Variants in CCSER1 observed in about 807,000 individuals in gnomAD.
The protein encoded by CCSER1 is serine-rich coiled-coil domain-containing protein 1.
CCSER1 carries 41 observed loss-of-function variants against 82.0 expected under a neutral mutation model. The observed-to-expected ratio is 0.50, with a 90% CI of 0.39 to 0.65. CCSER1 has a LOEUF of 0.65. Among genes scored for constraint, CCSER1 ranks in the 30% least tolerant of loss-of-function variants. The probability of loss-of-function intolerance (pLI) is 0.00; values close to 1 mark genes in which losing one functional copy is unlikely to be tolerated. For missense variants in CCSER1, 1,119 were observed against 1,064.2 expected, an observed-to-expected ratio of 1.05 and a Z score of -0.72; for synonymous variants, 414 against 383.9, an observed-to-expected ratio of 1.08 and a Z score of -0.92.
chr4:90,788,742 C>T (rs1393827664), intron 7 of CCSER1, among the ~76,000 whole-genome samples: 1 of 152,144 alleles, frequency 6.6e-6, no homozygotes, highest in Non-Finnish European at 1.5e-5. Context: ...CGGGGAGAAA[C>T]AATTCAATCA....
chr4:91,549,904 A>T (rs1762080201), intron 10 of CCSER1, among the ~76,000 whole-genome samples: 1 of 150,742 alleles, frequency 6.6e-6, no homozygotes, highest in Non-Finnish European at 1.5e-5. Context: ...GCCGCTTCTC[A>T]GTTTTGTTTT....
chr4:90,404,657 C>A (rs1315578873), intron 4 of CCSER1, among the ~76,000 whole-genome samples: 1 of 152,192 alleles, frequency 6.6e-6, no homozygotes, highest in African/African-American at 2.4e-5. Context: ...GTATCCAGGT[C>A]TGAAAGACCT....
intron 4 of CCSER1, among the ~76,000 whole-genome samples, chr4:90,408,896 A>T (rs1253632041): frequency 6.6e-6 from 1 of 152,222 alleles, no homozygotes; most frequent in Non-Finnish European, 1.5e-5. Context: ...AAATTAGATG[A>T]ATGGATAACT....
chr4:91,119,173 A>G (rs1402972285), intron 10 of CCSER1, among the ~76,000 whole-genome samples: 2 of 152,150 alleles, frequency 1.3e-5, no homozygotes, highest in Admixed American at 6.5e-5. Context: ...CATGGCAGAG[A>G]TTTCAGGAAA....
intron 10 of CCSER1, among the ~76,000 whole-genome samples, chr4:91,184,073 A>G (rs1734298895): frequency 6.6e-6 from 1 of 152,244 alleles, no homozygotes; most frequent in Non-Finnish European, 1.5e-5. Flanking sequence ...GTCAGGAGCT[A>G]TAATTAAACC....
At chr4:90,348,239 AACCTGAACTTGTAC>A (rs1395471889) in intron 3 of CCSER1, among the ~76,000 whole-genome samples, 2 of 152,198 alleles carry the variant, frequency 1.3e-5, no homozygotes, top group Non-Finnish European at 2.9e-5. Context: ...CTATGTAACC[AACCTGAACTTGTAC>A]ACCTGAACTT....
chr4:90,176,111 A>G (rs561389070), intron 1 of CCSER1, among the ~76,000 whole-genome samples: 4 of 151,958 alleles, frequency 2.6e-5, no homozygotes, highest in Non-Finnish European at 4.4e-5. Flanking sequence ...GAACTTTTAA[A>G]TGACAGGTTA....
intron 8 of CCSER1, among the ~76,000 whole-genome samples, chr4:90,909,258 CTTT>C (rs1725967750): frequency 6.6e-6 from 1 of 152,128 alleles, no homozygotes; most frequent in Non-Finnish European, 1.5e-5. Flanking sequence ...AGTATAATCT[CTTT>C]TTAATGTGAT....
At chr4:90,951,124 G>C (rs997204820) in intron 9 of CCSER1, 1 of 151,982 alleles carries the variant, frequency 6.6e-6, no homozygotes, top group Non-Finnish European at 1.5e-5. Context: ...GAGCGTTAAC[G>C]TCATGAATCC....
At chr4:91,266,326 C>T (rs1741577411) in intron 10 of CCSER1, among the ~76,000 whole-genome samples, 1 of 151,862 alleles carries the variant, frequency 6.6e-6, no homozygotes. Flanking sequence ...GATCTCGGCT[C>T]ACTGCAAGCT....
intron 7 of CCSER1, among the ~76,000 whole-genome samples, chr4:90,752,200 A>T (rs964634766): frequency 6.6e-6 from 1 of 152,146 alleles, no homozygotes; most frequent in African/African-American, 2.4e-5. Flanking sequence ...GGAGAAACAG[A>T]CTCAAATACT....
intron 10 of CCSER1, among the ~76,000 whole-genome samples, chr4:91,282,302 C>T (rs1023670655): frequency 6.6e-6 from 1 of 152,092 alleles, no homozygotes; most frequent in Non-Finnish European, 1.5e-5. Flanking sequence ...GCTTAGATAA[C>T]CTGCCATGAT....
chr4:90,601,293 ATG>A (rs373051091), intron 5 of CCSER1, among the ~76,000 whole-genome samples: 4 of 150,558 alleles, frequency 2.7e-5, no homozygotes, highest in African/African-American at 2.4e-5. Context: ...CTGTGTATGT[ATG>A]TGTGTGTGTG....
intron 5 of CCSER1, among the ~76,000 whole-genome samples, chr4:90,605,285 C>T (rs2148783101): frequency 6.6e-6 from 1 of 152,290 alleles, no homozygotes; most frequent in Non-Finnish European, 1.5e-5. Flanking sequence ...CAAGAAACCA[C>T]CAATTGTGGA....
chr4:90,905,649 T>C (rs1725357633), intron 8 of CCSER1, among the ~76,000 whole-genome samples: 1 of 152,132 alleles, frequency 6.6e-6, no homozygotes, highest in Admixed American at 6.6e-5. Flanking sequence ...TTATTGGAAG[T>C]CTATCTCTCC....
At chr4:90,454,254 T>C (rs1761887177) in intron 4 of CCSER1, among the ~76,000 whole-genome samples, 2 of 148,502 alleles carry the variant, frequency 1.3e-5, no homozygotes, top group South Asian at 4.3e-4. Context: ...TTGGATTTCC[T>C]CCTGATCCCT....
At chr4:91,236,183 TG>T (rs1319319135) in intron 10 of CCSER1, among the ~76,000 whole-genome samples, 1 of 152,064 alleles carries the variant, frequency 6.6e-6, no homozygotes, top group Non-Finnish European at 1.5e-5. Context: ...CCAGCCTCAT[TG>T]TACATATAAA....
chr4:90,167,591 A>T (rs4339173), intron 1 of CCSER1, among the ~76,000 whole-genome samples: 47,283 of 151,880 alleles, frequency 0.31, 8,637 homozygotes, highest in East Asian at 0.65. Context: ...GTCATTTAAC[A>T]TTAGGTATAT....
intron 10 of CCSER1, among the ~76,000 whole-genome samples, chr4:91,371,197 T>C (rs751329533): frequency 2.6e-5 from 4 of 152,088 alleles, no homozygotes; most frequent in Non-Finnish European, 1.5e-5. Flanking sequence ...AATAAATTAT[T>C]ATTGACTGTA....
Sources: gnomAD v4.1 joint callset for allele counts (sites outside exome capture counted in the v4.1 genomes callset) on GRCh38, gnomAD v4.1.1 for gene constraint, MANE v1.5 for transcripts, NCBI Gene and HGNC (gene_info 2026-07-23, HGNC 2026-07-21) for gene names.